Variants in ZNF385B observed in about 807,000 individuals in gnomAD.
The protein encoded by ZNF385B is zinc finger protein 385B.
Under a neutral mutation model 39.2 loss-of-function variants are expected in ZNF385B, and 23 were observed. The ratio of observed to expected loss-of-function variants is 0.59; its 90% CI spans 0.42 to 0.83. The LOEUF is 0.83. Ranked by LOEUF, ZNF385B falls within the 40% of genes least tolerant of loss-of-function variation. ZNF385B has a pLI of 0.00. For missense variants in ZNF385B, 552 were observed against 598.9 expected, an observed-to-expected ratio of 0.92 and a Z score of 0.82; for synonymous variants, 205 against 222.6, an observed-to-expected ratio of 0.92 and a Z score of 0.70.
At chr2:179,483,488 T>G in intron 5 of ZNF385B, 54 bp from the exon 6 acceptor site, 1 of 1,605,032 alleles carries the variant, frequency 6.2e-7, no homozygotes. Context: ...AACACCACAG[T>G]GGATGATCAT....
chr2:179,825,781 G>C (rs557138018), intron 1 of ZNF385B, among the ~76,000 whole-genome samples: 3 of 152,078 alleles, frequency 2.0e-5, no homozygotes, highest in Non-Finnish European at 4.4e-5. Flanking sequence ...GAAATAGGAC[G>C]CCATTTTCAA....
At chr2:179,771,573 C>A (rs996048114) in intron 1 of ZNF385B, among the ~76,000 whole-genome samples, 2 of 152,170 alleles carry the variant, frequency 1.3e-5, no homozygotes, top group African/African-American at 4.8e-5. Context: ...GTTCCTGTAG[C>A]TAAGCTACAG....
chr2:179,487,298 T>C (rs2054680913), intron 5 of ZNF385B, among the ~76,000 whole-genome samples: 1 of 152,244 alleles, frequency 6.6e-6, no homozygotes, highest in East Asian at 1.9e-4. Flanking sequence ...TTAGCTTTTA[T>C]TGACTGTTGT....
At chr2:179,847,287 A>C (rs1311468260) in intron 1 of ZNF385B, among the ~76,000 whole-genome samples, 3 of 152,100 alleles carry the variant, frequency 2.0e-5, no homozygotes, top group African/African-American at 7.2e-5. Context: ...TATTTTGGTA[A>C]CTCTTCTTCC....
intron 3 of ZNF385B, among the ~76,000 whole-genome samples, chr2:179,710,525 T>C (rs1408443441): frequency 1.3e-5 from 2 of 152,154 alleles, no homozygotes; most frequent in Non-Finnish European, 2.9e-5. Flanking sequence ...CATCCTCCCA[T>C]TACGGAACAT....
chr2:179,510,853 G>A (rs1219470755), intron 5 of ZNF385B, among the ~76,000 whole-genome samples: 4 of 152,052 alleles, frequency 2.6e-5, no homozygotes, highest in Non-Finnish European at 4.4e-5. Context: ...AAAACACAGG[G>A]GAAGAGAAAC....
chr2:179,499,820 C>A (rs1022260227), intron 5 of ZNF385B, among the ~76,000 whole-genome samples: 1 of 151,876 alleles, frequency 6.6e-6, no homozygotes, highest in African/African-American at 2.4e-5. Context: ...ATATAAAGGA[C>A]CTCCAAATTG....
chr2:179,741,317 T>C (rs1702073805), intron 3 of ZNF385B, among the ~76,000 whole-genome samples: 1 of 152,170 alleles, frequency 6.6e-6, no homozygotes, highest in Non-Finnish European at 1.5e-5. Flanking sequence ...TTTTTTCTCA[T>C]TTTGAGAATC....
chr2:179,482,369 A>G (rs898943571), intron 6 of ZNF385B, among the ~76,000 whole-genome samples: 1 of 152,242 alleles, frequency 6.6e-6, no homozygotes, highest in African/African-American at 2.4e-5. Context: ...AAAGGGACAT[A>G]TTCTCTCAGT....
chr2:179,690,423 G>C (rs1460772064), intron 3 of ZNF385B, among the ~76,000 whole-genome samples: 1 of 152,142 alleles, frequency 6.6e-6, no homozygotes, highest in African/African-American at 2.4e-5. Context: ...TTGTATATAA[G>C]GAAAGTTGGT....
intron 3 of ZNF385B, among the ~76,000 whole-genome samples, chr2:179,676,340 G>A (rs971809813): frequency 1.3e-5 from 2 of 150,398 alleles, no homozygotes; most frequent in Non-Finnish European, 3.0e-5. Flanking sequence ...CGCCTGCCTC[G>A]GCCTCCCAAA....
chr2:179,518,300 T>A (rs1323938891), intron 5 of ZNF385B, among the ~76,000 whole-genome samples: 1 of 152,194 alleles, frequency 6.6e-6, no homozygotes, highest in Non-Finnish European at 1.5e-5. Context: ...GTGATCTAGG[T>A]TGAATCCATG....
intron 5 of ZNF385B, among the ~76,000 whole-genome samples, chr2:179,486,771 C>A (rs2105618982): frequency 6.6e-6 from 1 of 152,200 alleles, no homozygotes; most frequent in Non-Finnish European, 1.5e-5. Context: ...AAAAAATTAG[C>A]TGAACATGAT....
At chr2:179,723,613 C>T (rs761400972) in intron 3 of ZNF385B, among the ~76,000 whole-genome samples, 14 of 151,952 alleles carry the variant, frequency 9.2e-5, no homozygotes, top group East Asian at 1.9e-4. Context: ...TTTTAAAACA[C>T]GCATATTTAG....
In ZNF385B at chr2:179,776,048, C is replaced by G. The variant is rs963641173; in HGVS notation, c.-154-5376G>C. On this transcript the variant is annotated intron_variant, in intron 1 of 9. Coordinates refer to ENST00000410066, the MANE Select transcript of ZNF385B (RefSeq NM_152520.6). Reference sequence around the variant, plus strand: ...TGACCACATCTTACCTCTGAAAGAACAGCCTGGAACTGTTGAAGCTCAAAC... The same window carrying G: ...TGACCACATCTTACCTCTGAAAGAAGAGCCTGGAACTGTTGAAGCTCAAAC... Among the ~76,000 whole-genome samples, 3 of 152,208 alleles carry G rather than the reference C, an allele frequency of 2.0e-5. No homozygotes were observed. The East Asian group carries it at 5.8e-4, about 29-fold the overall frequency.
chr2:179,801,381 A>T (rs1442468295), intron 1 of ZNF385B, among the ~76,000 whole-genome samples: 1 of 151,930 alleles, frequency 6.6e-6, no homozygotes, highest in South Asian at 2.1e-4. Flanking sequence ...ACTTCCCCTT[A>T]CCTAGATGTA....
At chr2:179,860,123 T>C (rs189876279) in intron 1 of ZNF385B, among the ~76,000 whole-genome samples, 6 of 152,340 alleles carry the variant, frequency 3.9e-5, no homozygotes, top group Non-Finnish European at 7.3e-5. Context: ...TGACAAAGTT[T>C]GCATTCCCCT....
intron 3 of ZNF385B, chr2:179,637,214 T>C (rs1449701587): frequency 6.6e-6 from 1 of 152,156 alleles, no homozygotes; most frequent in Non-Finnish European, 1.5e-5. Context: ...CTTTCCTACC[T>C]AGTTTTCAGC....
At chr2:179,843,771 C>G (rs978549989) in intron 1 of ZNF385B, among the ~76,000 whole-genome samples, 2 of 152,220 alleles carry the variant, frequency 1.3e-5, no homozygotes, top group Non-Finnish European at 2.9e-5. Context: ...ATCTGTCAAA[C>G]TCAATCTACC....
Sources: allele counts gnomAD v4.1 joint callset (sites outside exome capture counted in the v4.1 genomes callset), GRCh38; gene constraint gnomAD v4.1.1; transcripts MANE v1.5; gene names NCBI Gene and HGNC (gene_info 2026-07-23, HGNC 2026-07-21).